The following CAP2 variants were observed in gnomAD, a reference collection of about 807,000 sequenced individuals.
CAP2 encodes cyclase associated actin cytoskeleton regulatory protein 2.
Under a neutral mutation model 57.7 loss-of-function variants are expected in CAP2, and 24 were observed. That is an observed-to-expected ratio of 0.42 (90% CI 0.30 to 0.58). The LOEUF is 0.58. Ranked by LOEUF, CAP2 falls within the 20% of genes least tolerant of loss-of-function variation. The pLI is 0.22. For missense variants in CAP2, 501 were observed against 590.3 expected, an observed-to-expected ratio of 0.85 and a Z score of 1.57; for synonymous variants, 194 against 207.2, an observed-to-expected ratio of 0.94 and a Z score of 0.55.
At chr6:17,405,705 A>T (rs1561771408) in intron 1 of CAP2, among the ~76,000 whole-genome samples, 2 of 152,092 alleles carry the variant, frequency 1.3e-5, no homozygotes, top group South Asian at 2.1e-4. Context: ...TGTTTTGTTT[A>T]TTTATTATTT....
At chr6:17,434,336 G>A (rs1759818637) in intron 3 of CAP2, among the ~76,000 whole-genome samples, 1 of 150,028 alleles carries the variant, frequency 6.7e-6, no homozygotes, top group Admixed American at 6.7e-5. Context: ...TCAAGCAATT[G>A]GCCTGCCTTA....
chr6:17,531,074 A>T (rs529673022), intron 7 of CAP2: 1 of 772,344 alleles, frequency 1.3e-6, no homozygotes, highest in East Asian at 2.4e-5. Flanking sequence ...CATGAATCAG[A>T]TCCTCCCTGC....
At chr6:17,427,411 C>G (rs1408943797) in intron 3 of CAP2, among the ~76,000 whole-genome samples, 6 of 152,138 alleles carry the variant, frequency 3.9e-5, no homozygotes, top group Non-Finnish European at 8.8e-5. Context: ...GCTGAGCTGA[C>G]TCAGTCACCA....
chr6:17,427,369 G>A (rs548327143), intron 3 of CAP2, among the ~76,000 whole-genome samples: 1 of 152,100 alleles, frequency 6.6e-6, no homozygotes, highest in Non-Finnish European at 1.5e-5. Flanking sequence ...GACTCAGGGC[G>A]ATTTGATTTA....
chr6:17,474,333 TG>T (rs1168851078), intron 4 of CAP2, among the ~76,000 whole-genome samples: 1 of 151,546 alleles, frequency 6.6e-6, no homozygotes, highest in East Asian at 1.9e-4. Flanking sequence ...AAAAAAAAAA[TG>T]GGCATGTCAG....
chr6:17,468,074 T>C (rs1330061100), intron 4 of CAP2, among the ~76,000 whole-genome samples: 2 of 152,218 alleles, frequency 1.3e-5, no homozygotes, highest in Non-Finnish European at 2.9e-5. Context: ...ATGTTTGCCT[T>C]TCTGTGCCTG....
intron 3 of CAP2, among the ~76,000 whole-genome samples, chr6:17,461,925 G>A (rs1320352251): frequency 9.7e-5 from 14 of 143,606 alleles, no homozygotes; most frequent in African/African-American, 2.5e-4. Context: ...CCTGGGGGGC[G>A]GAGCTTGCAG....
chr6:17,530,464 C>T lies in CAP2; in HGVS notation c.637-8805C>T, dbSNP rs574011164. ...TACCTAGAGATCATTAATGGTAAGCCGGGTGGTTATTGGGCCAGGATAGTT... is the reference window on the plus strand; with the variant it reads ...TACCTAGAGATCATTAATGGTAAGCTGGGTGGTTATTGGGCCAGGATAGTT... On this transcript the variant is annotated intron_variant, in intron 7 of 12. Transcript: ENST00000229922. Among the ~76,000 whole-genome samples the T allele has an allele frequency of 5.3e-5, 8 of 152,084 alleles. 2 individuals carry two copies. The East Asian group carries it at 5.8e-4, about 11-fold the overall frequency.
At chr6:17,538,948 A>G (rs1042920944) in intron 7 of CAP2, among the ~76,000 whole-genome samples, 1 of 152,222 alleles carries the variant, frequency 6.6e-6, no homozygotes, top group Non-Finnish European at 1.5e-5. Flanking sequence ...GCCAAGGCCC[A>G]GTGTCATTTA....
intron 4 of CAP2, among the ~76,000 whole-genome samples, chr6:17,465,930 A>T (rs1192195424): frequency 2.6e-5 from 4 of 152,110 alleles, no homozygotes; most frequent in Non-Finnish European, 5.9e-5. Flanking sequence ...TTCCTCATAG[A>T]AGAGCAATGG....
chr6:17,494,628 C>T (rs1168032470), intron 4 of CAP2, among the ~76,000 whole-genome samples: 1 of 152,120 alleles, frequency 6.6e-6, no homozygotes, highest in Non-Finnish European at 1.5e-5. Context: ...TAACAGTTAA[C>T]ATGCTATATA....
intron 8 of CAP2, among the ~76,000 whole-genome samples, chr6:17,540,011 G>A (rs917210075): frequency 6.6e-6 from 1 of 152,206 alleles, no homozygotes; most frequent in Non-Finnish European, 1.5e-5. Flanking sequence ...GAGCCCAGGA[G>A]GTGGGGGCTG....
intron 4 of CAP2, among the ~76,000 whole-genome samples, chr6:17,479,607 ATTT>A (rs11336517): frequency 0.034 from 4,327 of 126,426 alleles, 232 homozygotes; most frequent in African/African-American, 0.13. Context: ...CTGCTTTTTA[ATTT>A]TTTTTTTTTT....
intron 12 of CAP2, among the ~76,000 whole-genome samples, chr6:17,554,056 G>C (rs1274103998): frequency 6.6e-6 from 1 of 152,174 alleles, no homozygotes; most frequent in East Asian, 1.9e-4. Context: ...TTTTACTCAA[G>C]AAGAATACAT....
intron 4 of CAP2, among the ~76,000 whole-genome samples, chr6:17,473,574 T>C (rs994478245): frequency 1.3e-5 from 2 of 152,240 alleles, no homozygotes; most frequent in African/African-American, 4.8e-5. Context: ...TGCTACTTGT[T>C]AATTGTTTCA....
chr6:17,506,649 A>G (rs1187064334), intron 4 of CAP2, among the ~76,000 whole-genome samples: 2 of 138,034 alleles, frequency 1.4e-5, no homozygotes, highest in African/African-American at 5.2e-5. Context: ...AAAAAAAAAA[A>G]GGGTTGCGGG....
chr6:17,550,478 CAG>C (rs1763145055), intron 11 of CAP2, among the ~76,000 whole-genome samples: 1 of 117,482 alleles, frequency 8.5e-6, no homozygotes, highest in South Asian at 3.0e-4. Flanking sequence ...GAGGAGGAAA[CAG>C]AGAACTAGAG....
chr6:17,487,340 T>C (rs73721593), intron 4 of CAP2, among the ~76,000 whole-genome samples: 1,595 of 152,228 alleles, frequency 0.01, 20 homozygotes, highest in African/African-American at 0.033. Context: ...GACAGGTCAG[T>C]TATTCTAAAC....
At chr6:17,529,651 A>AAAAAATATATATATAT (rs10656588) in intron 7 of CAP2, among the ~76,000 whole-genome samples, 4 of 134,536 alleles carry the variant, frequency 3.0e-5, no homozygotes, top group African/African-American at 1.2e-4. Context: ...AAAAAAAAAA[A>AAAAAATATATATATAT]ATATATATAT....
Sources: allele counts gnomAD v4.1 joint callset (sites outside exome capture counted in the v4.1 genomes callset), GRCh38; gene constraint gnomAD v4.1.1; transcripts MANE v1.5; gene names NCBI Gene and HGNC (gene_info 2026-07-23, HGNC 2026-07-21).